The following PAPPA2 variants were observed in gnomAD, a reference collection of about 807,000 sequenced individuals.
PAPPA2 encodes pappalysin 2, also known as pappalysin-2.
A neutral mutation model predicts 176.4 loss-of-function variants in PAPPA2; 86 were observed. The observed-to-expected ratio is 0.49, with a 90% CI of 0.41 to 0.58. The LOEUF is 0.58. PAPPA2 is among the 20% of genes least tolerant of loss of function. PAPPA2 has a pLI of 0.00. For missense variants in PAPPA2, 2,073 were observed against 2,256.9 expected, an observed-to-expected ratio of 0.92 and a Z score of 1.65; for synonymous variants, 809 against 852.2, an observed-to-expected ratio of 0.95 and a Z score of 0.88.
chr1:176,572,537 T>C (rs1232439222), intron 2 of PAPPA2, among the ~76,000 whole-genome samples: 1 of 152,188 alleles, frequency 6.6e-6, no homozygotes, highest in Non-Finnish European at 1.5e-5. Context: ...TTTTGTGTGG[T>C]CCCTGGGTTG....
chr1:176,817,598 G>A (rs1426296733), intron 21 of PAPPA2, among the ~76,000 whole-genome samples: 2 of 152,166 alleles, frequency 1.3e-5, no homozygotes, highest in South Asian at 4.1e-4. Context: ...TAGATAGGAA[G>A]AAGTAATCAT....
Position 176,710,473 on chromosome 1 carries a change from G to T in PAPPA2, c.3651+297G>T, listed in dbSNP as rs1321871812. Among the ~76,000 whole-genome samples, 3 of 152,212 alleles carry T rather than the reference G, an allele frequency of 2.0e-5. No individual in the cohort carries two copies. In the East Asian group the frequency reaches 5.8e-4, roughly 29 times the overall value. ...AATAAGCTTTAAAATATGTATTAAA[G>T]ATCAAAGTATAAATTGATTTAAAGA... On this transcript the variant is annotated intron_variant, in intron 11 of 22. Transcript: ENST00000367662.
chr1:176,743,150 G>A lies in PAPPA2; in HGVS notation c.4151+2954G>A, dbSNP rs971324684. 3.3e-5 allele frequency among the ~76,000 whole-genome samples: 5 copies of A among 152,080 alleles called. No individual in the cohort carries two copies. In the South Asian group the frequency reaches 1.0e-3, roughly 32 times the overall value. On this transcript the variant is annotated intron_variant, in intron 14 of 22. Transcript: ENST00000367662. ...CAAGCCTGGCAGCCAGAATCTGTGA[G>A]GATTTCCTCCTGATTACAAATGTAC...
chr1:176,800,014 C>T (rs374234505), intron 20 of PAPPA2, 47 bp from the exon 21 acceptor site: 1 of 1,604,844 alleles, frequency 6.2e-7, no homozygotes, highest in Admixed American at 1.7e-5. Context: ...TCACACACAA[C>T]AAATGTCTTT....
intron 12 of PAPPA2, among the ~76,000 whole-genome samples, chr1:176,713,625 A>G (rs1271040546): frequency 3.3e-5 from 5 of 152,152 alleles, no homozygotes; most frequent in African/African-American, 9.7e-5. Flanking sequence ...TGTTTAAAGC[A>G]TTGCTAATTC....
At chr1:176,774,759 CTA>C (rs1172328235) in intron 17 of PAPPA2, among the ~76,000 whole-genome samples, 2 of 141,996 alleles carry the variant, frequency 1.4e-5, no homozygotes, top group African/African-American at 5.7e-5. Context: ...ACCTGCCACT[CTA>C]TTTAAGGGGA....
intron 2 of PAPPA2, among the ~76,000 whole-genome samples, chr1:176,587,345 T>G (rs886462832): frequency 3.9e-5 from 6 of 152,232 alleles, no homozygotes; most frequent in Non-Finnish European, 7.3e-5. Flanking sequence ...TTTGCCATTT[T>G]TGTCATGAAG....
intron 2 of PAPPA2, among the ~76,000 whole-genome samples, chr1:176,560,092 T>C (rs886805807): frequency 6.6e-6 from 1 of 152,208 alleles, no homozygotes; most frequent in Non-Finnish European, 1.5e-5. Context: ...GCCCTGGCTC[T>C]GGGCTGTGTG....
At chr1:176,508,631 G>T (rs7526336) in intron 1 of PAPPA2, among the ~76,000 whole-genome samples, 152,295 of 152,296 alleles carry the variant, frequency 1, 76,147 homozygotes, top group Non-Finnish European at 1. Context: ...ATGATATGGT[G>T]TGGCTCTGTG....
chr1:176,781,000 C>T (rs1407345564), intron 17 of PAPPA2, among the ~76,000 whole-genome samples: 2 of 151,974 alleles, frequency 1.3e-5, no homozygotes, highest in South Asian at 4.1e-4. Context: ...TGGGGTGTAA[C>T]CTGGGCATAT....
chr1:176,565,294 G>T (rs1651899294), intron 2 of PAPPA2, among the ~76,000 whole-genome samples: 1 of 152,098 alleles, frequency 6.6e-6, no homozygotes, highest in African/African-American at 2.4e-5. Flanking sequence ...TCATATGGTT[G>T]CTATATATTT....
intron 17 of PAPPA2, among the ~76,000 whole-genome samples, chr1:176,771,582 A>T (rs1042604239): frequency 2.6e-5 from 4 of 152,220 alleles, no homozygotes; most frequent in Non-Finnish European, 5.9e-5. Context: ...TTTCTGTAAA[A>T]AGGAGATGAT....
In PAPPA2 at chr1:176,690,270, C is replaced by T. The variant is rs1396354763; in HGVS notation, c.2271C>T (p.Pro757=). Residue 757 remains proline, a synonymous_variant, in exon 5 of 23, where the codon CCC becomes CCT. Coordinates refer to ENST00000367662, the MANE Select transcript of PAPPA2 (RefSeq NM_020318.3). The part of the protein sequence containing the change: ...GVSERESCND[P]CKETVPSMET... ...GTGAAAGAGAATCCTGCAATGACCC[C>T]TGCAAGGAGACAGTGCCATCCATGG... is the stretch of plus-strand genomic sequence containing the variant. 2 of 1,614,102 alleles carry T rather than the reference C, an allele frequency of 1.2e-6. No individual in the cohort carries two copies. Among genetic ancestry groups the T allele is most frequent in the Admixed American group, 3.3e-5 (2 of 60,016 alleles).
In PAPPA2 at chr1:176,835,450, C is replaced by T. The variant is rs1231064932; in HGVS notation, c.5203-4723C>T. Among the ~76,000 whole-genome samples the T allele has an allele frequency of 3.3e-5, 5 of 152,166 alleles. No individual in the cohort carries two copies. The East Asian group carries it at 9.6e-4, about 29-fold the overall frequency. On this transcript the variant is annotated intron_variant, in intron 21 of 22. Coordinates refer to ENST00000367662, the MANE Select transcript of PAPPA2 (RefSeq NM_020318.3). ...ATTGCTGGATCACATAATTTACATT[C>T]CCAACAACAGTGTGAAAGGGTTCCC... is the stretch of plus-strand genomic sequence containing the variant.
intron 3 of PAPPA2, among the ~76,000 whole-genome samples, chr1:176,625,291 A>G (rs778169448): frequency 3.9e-5 from 6 of 152,190 alleles, no homozygotes; most frequent in African/African-American, 1.2e-4. Context: ...GTCTTCAGCT[A>G]GAAGGAGTGA....
chr1:176,521,116 G>C lies in PAPPA2; in HGVS notation c.-916-34291G>C, dbSNP rs1441599609. 8.0e-5 allele frequency among the ~76,000 whole-genome samples: 5 copies of C among 62,734 alleles called. No homozygotes were observed. In the South Asian group the frequency reaches 2.8e-3, roughly 35 times the overall value. 41.2% of individuals were successfully genotyped at this position (62,734 alleles called of 152,430 possible). The stretch of plus-strand genomic sequence containing the variant: ...TGTGTCAGAAAGAGAGACAGAGACA[G>C]AGAGAGAGAGAGAGAGAGTAGGGCG... On this transcript the variant is annotated intron_variant, in intron 1 of 22. Transcript: ENST00000367662.
chr1:176,679,074 G>A lies in PAPPA2; in HGVS notation c.2137+7959G>A, dbSNP rs922739835. 2.0e-4 allele frequency among the ~76,000 whole-genome samples: 31 copies of A among 152,054 alleles called. No homozygotes were observed. The South Asian group carries it at 2.7e-3, about 13-fold the overall frequency. ...ATTTATATATATGGAACAGGAAAAAGAAGATAGAAAGATAGGTTGGAAACT... is the reference window on the plus strand; with the variant it reads ...ATTTATATATATGGAACAGGAAAAAAAAGATAGAAAGATAGGTTGGAAACT... On this transcript the variant is annotated intron_variant, in intron 4 of 22. Coordinates refer to ENST00000367662, the MANE Select transcript of PAPPA2 (RefSeq NM_020318.3).
At chr1:176,646,123 G>T (rs2102735275) in intron 3 of PAPPA2, among the ~76,000 whole-genome samples, 1 of 151,300 alleles carries the variant, frequency 6.6e-6, no homozygotes, top group South Asian at 2.1e-4. Context: ...TTTTGCTTTG[G>T]TTGCCTGTGA....
In PAPPA2 at chr1:176,711,866, A is replaced by G. The variant is rs1661160911; in HGVS notation, c.3683A>G (p.Asn1228Ser). ...ICTSYHPDLP[N>S]HRPLTGWFPC... ...ACATCATACCATCCAGATTTACCCA[A>G]CCACCGTCCCCTAACTGGCTGGTTT... The change falls in exon 12 of 23, where the codon AAC (asparagine) becomes AGC (serine). Residue 1228 changes from asparagine to serine, a missense_variant. Physicochemically the swap from Asn to Ser is conservative, Grantham distance 46. Coordinates refer to ENST00000367662, the MANE Select transcript of PAPPA2 (RefSeq NM_020318.3). The G allele has an allele frequency of 6.2e-7, 1 of 1,612,212 alleles. No homozygotes were observed. The highest frequency in any genetic ancestry group is 1.3e-5 in the African/African-American group (1 of 74,882).
Sources: allele counts gnomAD v4.1 joint callset (sites outside exome capture counted in the v4.1 genomes callset), GRCh38; gene constraint gnomAD v4.1.1; transcripts MANE v1.5; gene names NCBI Gene and HGNC (gene_info 2026-07-23, HGNC 2026-07-21).